Variants in FBN3 observed in about 807,000 individuals in gnomAD.
The protein encoded by FBN3 is fibrillin-3.
FBN3 carries 234 observed loss-of-function variants against 330.1 expected under a neutral mutation model. The ratio of observed to expected loss-of-function variants is 0.71; its 90% confidence interval spans 0.64 to 0.79. FBN3 has a LOEUF of 0.79. FBN3 is among the 30% of genes least tolerant of loss of function. The pLI, the probability that FBN3 is intolerant of heterozygous loss-of-function variation, is 0.00. For synonymous variants in FBN3, 1,458 were observed against 1,517.3 expected (o/e 0.96, Z 0.91); for missense variants, 3,606 against 3,886.9 (o/e 0.93, Z 1.92).
rs752691922 is a variant in FBN3, at chr19:8,136,278, G to A, written c.1377C>T (p.His459=). Residue 459 remains histidine, a synonymous_variant, in exon 12 of 64, where the codon CAC becomes CAT. Transcript: ENST00000600128. The part of the protein sequence containing the change: ...DVDECTSSPC[H]HGDCVNIPGT... ...CGGGGATGTTGACGCAGTCACCGTG[G>A]TGGCAGGGGCTGCTGGTGCATTCGT... is the stretch of plus-strand genomic sequence containing the variant. The A allele has an allele frequency of 1.0e-5, 16 of 1,604,786 alleles. No individual in the cohort carries two copies. In the South Asian group the frequency reaches 1.6e-4, roughly 16 times the overall value.
chr19:8,095,775 C>A (rs150364563), intron 45 of FBN3, among the ~76,000 whole-genome samples, 189 bp downstream of exon 45: 2,808 of 152,222 alleles, frequency 0.018, 34 homozygotes, highest in Middle Eastern at 0.054. Flanking sequence ...TTTTCATTTT[C>A]TTTTACTTCA....
chr19:8,110,734 T>C (rs759496073), intron 34 of FBN3, 111 bp downstream of exon 34: 11 of 1,437,028 alleles, frequency 7.7e-6, no homozygotes, highest in African/African-American at 1.4e-5. Flanking sequence ...CCAGCAAGAC[T>C]GCAGGGGAGG....
Position 8,087,930 on chromosome 19 carries a change from G to A in FBN3, c.6514C>T (p.Leu2172=). ...MTCEDIDECS[L]NPLLCAFRCH... is the part of the protein sequence containing the mutation. Reference sequence around the variant, plus strand: ...CGGAAGGCACAGAGCAGCGGGTTCAGGGAGCATTCGTCGATGTCTGGGGAG... The same window carrying A: ...CGGAAGGCACAGAGCAGCGGGTTCAAGGAGCATTCGTCGATGTCTGGGGAG... Residue 2172 remains leucine, a synonymous_variant, in exon 53 of 64, where the codon CTG becomes TTG. Coordinates refer to ENST00000600128, the MANE Select transcript of FBN3 (RefSeq NM_032447.5). The A allele has an allele frequency of 6.2e-7, 1 of 1,614,150 alleles. No individual in the cohort carries two copies. The highest frequency in any genetic ancestry group is 8.5e-7 in the Non-Finnish European group (1 of 1,180,020).
rs1388885703 is a variant in FBN3, at chr19:8,129,071, G to T, written c.2253C>A (p.Cys751Ter). 3 of 1,613,578 alleles carry T rather than the reference G, an allele frequency of 1.9e-6. No individual in the cohort carries two copies. Among genetic ancestry groups the T allele is most frequent in the Non-Finnish European group, 1.7e-6 (2 of 1,179,976 alleles). The change falls in exon 18 of 64, where the codon TGC becomes TGA. Residue 751 changes from cysteine to a stop codon, truncating the protein, a stop_gained. Coordinates refer to ENST00000600128, the MANE Select transcript of FBN3 (RefSeq NM_032447.5). LOFTEE classifies it high-confidence loss of function. The surrounding 1 kb of genome is among the most constrained non-coding windows in gnomAD (Gnocchi z 4.5). ...CCTGCCAGAAGTGGAAGCCGGGGGG[G>T]CAGGAGCAGCTGTAGCTGCCAGGGC... ...QNSPGSYSCS[C>*]PPGFHFWQDT...
At chr19:8,113,418 G>A (rs949514792) in intron 30 of FBN3, among the ~76,000 whole-genome samples, 5 of 152,310 alleles carry the variant, frequency 3.3e-5, no homozygotes, top group African/African-American at 1.2e-4. Context: ...GTGAGCGCCA[G>A]CATGCCTGGC....
chr19:8,123,959 C>A lies in FBN3; in HGVS notation c.2781G>T (p.Gly927=). The A allele has an allele frequency of 6.2e-7, 1 of 1,614,094 alleles. No individual in the cohort carries two copies. Among genetic ancestry groups the A allele is most frequent in the Non-Finnish European group, 8.5e-7 (1 of 1,180,020 alleles). The change falls in exon 23 of 64, where the codon GGG becomes GGT. Residue 927 remains glycine (G), a synonymous_variant. Coordinates refer to ENST00000600128, the MANE Select transcript of FBN3 (RefSeq NM_032447.5). Reference sequence around the variant, plus strand: ...TCCGGTACTTGCCAGGCAGGGTGACCCCACACTCATCCTCATCCCATCGCA... The same window carrying A: ...TCCGGTACTTGCCAGGCAGGGTGACACCACACTCATCCTCATCCCATCGCA... The part of the protein sequence containing the change: ...CFLRWDEDEC[G]VTLPGKYRMD...
At chr19:8,106,639 G>T (rs925654337) in intron 37 of FBN3, among the ~76,000 whole-genome samples, 2 of 152,054 alleles carry the variant, frequency 1.3e-5, no homozygotes, top group Non-Finnish European at 2.9e-5. Context: ...ATAAGCAAGT[G>T]GGTCAATGAA....
At chr19:8,083,805 C>CTTT (rs372453716) in intron 56 of FBN3, among the ~76,000 whole-genome samples, 2 of 134,084 alleles carry the variant, frequency 1.5e-5, no homozygotes, top group Admixed American at 7.6e-5. Flanking sequence ...ACTATTTTTT[C>CTTT]TTTTTTTTTT....
chr19:8,108,180 G>A lies in FBN3; in HGVS notation c.4677C>T (p.Val1559=), dbSNP rs1198731908. The change falls in exon 37 of 64, where the codon GTC becomes GTT. Residue 1559 remains valine (V), a synonymous_variant. Transcript: ENST00000600128. The part of the protein sequence containing the change: ...GEGFQPNRIT[V]ILEDIDECQE... ...CTGCCAGGAACTCACCTTCCAGAATGACAGTGATGCGGTTAGGCTGGAAGC... is the reference window on the plus strand; with the variant it reads ...CTGCCAGGAACTCACCTTCCAGAATAACAGTGATGCGGTTAGGCTGGAAGC... 18 of 1,612,328 alleles carry A rather than the reference G, an allele frequency of 1.1e-5. No individual in the cohort carries two copies. Among genetic ancestry groups the A allele is most frequent in the Non-Finnish European group, 1.5e-5 (18 of 1,179,428 alleles).
intron 38 of FBN3, among the ~76,000 whole-genome samples, chr19:8,104,772 AT>A (rs1051827184): frequency 3.9e-5 from 6 of 152,334 alleles, no homozygotes; most frequent in African/African-American, 1.2e-4. Flanking sequence ...CAATCTGCCA[AT>A]GTAGCAAGAA....
Position 8,111,652 on chromosome 19 carries a change from G to C in FBN3, c.4080C>G (p.Cys1360Trp). ...RQGFAGDGFF[C>W]EDRDECAENV... Reference sequence around the variant, plus strand: ...CTCCCACCCCTCTAATCTCACCTTCGCAGAAGAAGCCATCCCCGGCAAAGC... The same window carrying C: ...CTCCCACCCCTCTAATCTCACCTTCCCAGAAGAAGCCATCCCCGGCAAAGC... The change falls in exon 32 of 64, where the codon TGC becomes TGG. Residue 1360 changes from cysteine to tryptophan, a missense_variant. Physicochemically the swap from Cys to Trp is radical, Grantham distance 215 (BLOSUM62 -2). Transcript: ENST00000600128. 1 of 1,579,790 alleles carries C rather than the reference G, an allele frequency of 6.3e-7. No individual in the cohort carries two copies.
intron 51 of FBN3, 111 bp downstream of exon 51, chr19:8,089,434 G>T: frequency 8.1e-7 from 1 of 1,242,012 alleles, no homozygotes; most frequent in Non-Finnish European, 1.1e-6. Flanking sequence ...AGAGGCAGTG[G>T]TTAAGGACAG....
intron 26 of FBN3, among the ~76,000 whole-genome samples, chr19:8,118,568 GCA>G (rs1162639244): frequency 6.7e-6 from 1 of 149,000 alleles, no homozygotes; most frequent in African/African-American, 2.6e-5. Context: ...TCACACAGAC[GCA>G]CACACACACT....
intron 13 of FBN3, 26 bp downstream of exon 13, chr19:8,135,935 T>TGGGGGGGGGGGGGGGGGGGGGGC: frequency 7.4e-7 from 1 of 1,344,156 alleles, no homozygotes; most frequent in Non-Finnish European, 1.0e-6. Context: ...CGGAAGCCCC[T>TGGGGGGGGGGGGGGGGGGGGGGC]GCCCACCCGC....
rs570972070 is a variant in FBN3, at chr19:8,107,550, C to T, written c.4687+620G>A. Among the ~76,000 whole-genome samples the T allele has an allele frequency of 3.5e-3, 379 of 107,410 alleles. 1 individual carries two copies. The highest frequency in any genetic ancestry group is 5.2e-3 in the Non-Finnish European group (274 of 52,388). The allele number at this position is 107,410 out of a possible 152,430, so 70.5% of individuals were successfully genotyped here. A position where few individuals can be genotyped will look rare whatever the true frequency, so the allele number is the denominator to read the frequency against. On this transcript the variant is annotated intron_variant, in intron 37 of 63. Transcript: ENST00000600128. ...AAGGATGGATGAATGGATGGATGGTCGGGTGGAAGGATGGATGGATGGATG... is the reference window on the plus strand; with the variant it reads ...AAGGATGGATGAATGGATGGATGGTTGGGTGGAAGGATGGATGGATGGATG...
rs549197598 is a variant in FBN3 at position 8,102,566 on chromosome 19, G to T, written c.5089+158C>A. On this transcript the variant is annotated intron_variant, in intron 40 of 63. Coordinates refer to ENST00000600128, the MANE Select transcript of FBN3 (RefSeq NM_032447.5). ...ACCCAGTATCCAGTATTTCTTCACA[G>T]CAGTATGAGAATGGACTAATAGAGG... Among the ~76,000 whole-genome samples, 6 of 152,244 alleles carry T rather than the reference G, an allele frequency of 3.9e-5. No individual in the cohort carries two copies. The South Asian group carries it at 1.2e-3, about 32-fold the overall frequency.
chr19:8,146,360 C>T (rs2083546953), intron 3 of FBN3, 135 bp from the exon 4 acceptor site: 1 of 714,580 alleles, frequency 1.4e-6, no homozygotes, highest in African/African-American at 1.8e-5. Context: ...GCTCATAGCA[C>T]ACCCCACCCC....
rs751990290 is a variant in FBN3, at chr19:8,086,299, C to A, written c.6781G>T (p.Asp2261Tyr). The A allele has an allele frequency of 6.2e-6, 10 of 1,611,134 alleles. No individual in the cohort carries two copies. Among genetic ancestry groups the A allele is most frequent in the Non-Finnish European group, 6.8e-6 (8 of 1,178,372 alleles). The change falls in exon 55 of 64, where the codon GAC becomes TAC. Residue 2261 changes from aspartate (D) to tyrosine (Y), a missense_variant. Asp to Tyr is a radical substitution (Grantham distance 160). Coordinates refer to ENST00000600128, the MANE Select transcript of FBN3 (RefSeq NM_032447.5). ...TDDNECHAQP[D>Y]LCVNGRCVNT... ...ACACAGCGGCCGTTGACACAGAGGT[C>A]AGGCTGAGCGTGGCATTCATTGTCA...
In FBN3 at chr19:8,136,365, C is replaced by A. The variant is rs9749144; in HGVS notation, c.1345+23G>T. The stretch of plus-strand genomic sequence containing the variant: ...GAGCAGGGCAGTGAGAACCGCCCCC[C>A]CTTCCACCTGGCCGCGGCTCACCAA... On this transcript the variant is annotated intron_variant, in intron 11 of 63. Coordinates refer to ENST00000600128, the MANE Select transcript of FBN3 (RefSeq NM_032447.5). The A allele has an allele frequency of 0.22, 358,635 of 1,609,482 alleles. 45,225 individuals are homozygous for A. Among genetic ancestry groups the A allele is most frequent in the East Asian group, 0.45 (20,140 of 44,748 alleles).
Sources: gnomAD v4.1 joint callset for allele counts (sites outside exome capture counted in the v4.1 genomes callset) on GRCh38, gnomAD v4.1.1 for gene constraint, Gnocchi (gnomAD v3.1) non-coding constraint, MANE v1.5 for transcripts, NCBI Gene and HGNC (gene_info 2026-07-23, HGNC 2026-07-21) for gene names.